Variants in ASTN2 observed in about 807,000 individuals in gnomAD.
ASTN2 encodes the protein astrotactin 2.
Under a neutral mutation model 139.8 loss-of-function variants are expected in ASTN2, and 54 were observed. The ratio of observed to expected loss-of-function variants is 0.39; its 90% confidence interval spans 0.31 to 0.48. The LOEUF (loss-of-function observed/expected upper bound fraction) is 0.48, where lower values mean the gene tolerates loss of function less well. ASTN2 is among the 20% of genes least tolerant of loss of function. ASTN2 has a pLI of 0.95. For missense variants in ASTN2, 1,565 were observed against 1,725.1 expected (o/e 0.91, Z 1.64); for synonymous variants, 756 against 719.5 (o/e 1.05, Z -0.81).
chr9:117,172,178 A>T (rs954884007), intron 3 of ASTN2, among the ~76,000 whole-genome samples: 3 of 152,162 alleles, frequency 2.0e-5, no homozygotes, highest in African/African-American at 4.8e-5. Flanking sequence ...TTATTCTATC[A>T]TAAGGCTGCC....
At chr9:116,729,604 G>A (rs956294662) in intron 14 of ASTN2, among the ~76,000 whole-genome samples, 1 of 152,236 alleles carries the variant, frequency 6.6e-6, no homozygotes, top group African/African-American at 2.4e-5. Flanking sequence ...TATGACAGCA[G>A]AGTTGAGCAG....
At chr9:117,387,424 G>A (rs950331538) in intron 1 of ASTN2, among the ~76,000 whole-genome samples, 23 of 152,072 alleles carry the variant, frequency 1.5e-4, no homozygotes, top group African/African-American at 5.6e-4. Flanking sequence ...CAGGGAGACT[G>A]GCTCTAACTA....
intron 1 of ASTN2, among the ~76,000 whole-genome samples, chr9:117,342,452 G>A (rs917437015): frequency 3.3e-5 from 5 of 152,200 alleles, no homozygotes; most frequent in Non-Finnish European, 5.9e-5. Context: ...GAGCAGCAGT[G>A]AATCGGAGTT....
chr9:116,472,026 T>C (rs1160536144), intron 20 of ASTN2, among the ~76,000 whole-genome samples: 2 of 152,052 alleles, frequency 1.3e-5, no homozygotes, highest in Non-Finnish European at 2.9e-5. Flanking sequence ...CCCTGCATGG[T>C]TCTAATTCCA....
At chr9:116,446,056 T>C (rs556156907) in intron 20 of ASTN2, among the ~76,000 whole-genome samples, 5 of 151,808 alleles carry the variant, frequency 3.3e-5, no homozygotes, top group Non-Finnish European at 5.9e-5. Context: ...CCTGGAGGGG[T>C]TACTTGTGAA....
chr9:116,803,500 A>T (rs200263960), intron 13 of ASTN2, among the ~76,000 whole-genome samples: 3 of 14,246 alleles, frequency 2.1e-4, no homozygotes, highest in African/African-American at 5.2e-4. Flanking sequence ...ATATATATAT[A>T]TATATATATA....
chr9:117,343,092 T>A (rs1052847224), intron 1 of ASTN2, among the ~76,000 whole-genome samples: 1 of 152,152 alleles, frequency 6.6e-6, no homozygotes. Context: ...CTAACATCAG[T>A]TTAACTGGCC....
intron 3 of ASTN2, among the ~76,000 whole-genome samples, chr9:117,168,552 T>A (rs1026566563): frequency 2.6e-5 from 4 of 152,140 alleles, no homozygotes; most frequent in African/African-American, 9.7e-5. Flanking sequence ...CCAGAGCCTT[T>A]ATTTTTTTAG....
intron 1 of ASTN2, among the ~76,000 whole-genome samples, chr9:117,341,167 CAACTT>C (rs765707275): frequency 6.6e-5 from 10 of 152,154 alleles, no homozygotes; most frequent in Non-Finnish European, 1.5e-4. Context: ...GAAGAGAAAA[CAACTT>C]AATAAAAGTG....
intron 11 of ASTN2, among the ~76,000 whole-genome samples, chr9:116,857,221 C>A (rs968255397): frequency 6.6e-6 from 1 of 152,140 alleles, no homozygotes; most frequent in African/African-American, 2.4e-5. Context: ...GTAAAATGGA[C>A]ATGATAGTTC....
At chr9:116,472,572 C>T (rs146192574) in intron 20 of ASTN2, among the ~76,000 whole-genome samples, 1 of 152,212 alleles carries the variant, frequency 6.6e-6, no homozygotes, top group Non-Finnish European at 1.5e-5. Flanking sequence ...CATAAGAATA[C>T]ACAAGTGCAG....
intron 11 of ASTN2, among the ~76,000 whole-genome samples, chr9:116,822,514 G>A (rs191730361): frequency 3.1e-4 from 47 of 152,250 alleles, no homozygotes; most frequent in Admixed American, 7.2e-4. Context: ...CCGTTTGTGA[G>A]TACTGGGGCC....
intron 4 of ASTN2, among the ~76,000 whole-genome samples, chr9:117,098,193 A>G (rs1828884910): frequency 6.6e-6 from 1 of 152,222 alleles, no homozygotes; most frequent in African/African-American, 2.4e-5. Flanking sequence ...CAAGATGCTA[A>G]GTACAGCATT....
intron 10 of ASTN2, among the ~76,000 whole-genome samples, chr9:116,974,921 TAAGTA>T (rs989967669): frequency 9.2e-5 from 14 of 152,150 alleles, no homozygotes; most frequent in African/African-American, 1.9e-4. Flanking sequence ...AACATACTGT[TAAGTA>T]AAGATAAGAT....
At chr9:116,825,857 G>A (rs1046898048) in intron 11 of ASTN2, among the ~76,000 whole-genome samples, 7 of 152,232 alleles carry the variant, frequency 4.6e-5, no homozygotes, top group African/African-American at 1.7e-4. Context: ...ACCTGGAGTA[G>A]ACACAGCTGG....
rs1564217317 is a variant in ASTN2, at chr9:116,698,895, G to A, written c.2806+26876C>T. On this transcript the variant is annotated intron_variant, in intron 16 of 22. Coordinates refer to ENST00000313400, the MANE Select transcript of ASTN2 (RefSeq NM_001365068.1). The surrounding 1 kb of genome is among the most constrained non-coding windows in gnomAD (Gnocchi z 4.4). ...TCTCTACGTGACCAGTCAAGGTGAA[G>A]TACTAGTCGCTGACCGTGGTAACTA... is the stretch of plus-strand genomic sequence containing the variant. The A allele has an allele frequency of 9.9e-6, 16 of 1,614,122 alleles. No homozygotes were observed. Among genetic ancestry groups the A allele is most frequent in the Non-Finnish European group, 1.4e-5 (16 of 1,180,056 alleles).
intron 10 of ASTN2, among the ~76,000 whole-genome samples, chr9:116,913,500 G>T (rs1478537734): frequency 6.6e-6 from 1 of 152,138 alleles, no homozygotes; most frequent in African/African-American, 2.4e-5. Context: ...TCATTTCTTA[G>T]TACCCCTGGG....
intron 16 of ASTN2, among the ~76,000 whole-genome samples, chr9:116,708,837 C>A (rs1036906766): frequency 2.0e-5 from 3 of 152,164 alleles, no homozygotes; most frequent in Non-Finnish European, 4.4e-5. Flanking sequence ...CCCGTTTATA[C>A]TATTACTTAA....
chr9:116,753,535 C>T (rs1484935082), intron 13 of ASTN2, among the ~76,000 whole-genome samples: 3 of 152,106 alleles, frequency 2.0e-5, no homozygotes, highest in South Asian at 2.1e-4. Context: ...TCAATATTGG[C>T]TCATCAATGG....
Sources: allele counts gnomAD v4.1 joint callset (sites outside exome capture counted in the v4.1 genomes callset), GRCh38; gene constraint gnomAD v4.1.1; non-coding constraint Gnocchi (gnomAD v3.1); transcripts MANE v1.5; gene names NCBI Gene and HGNC (gene_info 2026-07-23, HGNC 2026-07-21).